ACOXL: variants seen among roughly 807,000 people sequenced by gnomAD.
ACOXL encodes the protein acyl-CoA oxidase like.
ACOXL carries 70 observed loss-of-function variants against 71.9 expected under a neutral mutation model. That is an observed-to-expected ratio of 0.97 (90% confidence interval 0.80 to 1.19). The LOEUF (loss-of-function observed/expected upper bound fraction) is 1.19. ACOXL is among the 50% of genes most tolerant of loss of function. ACOXL has a pLI of 0.00. For synonymous variants in ACOXL, 253 were observed against 281.6 expected, an observed-to-expected ratio of 0.90 and a Z score of 1.02; for missense variants, 703 against 736.3, an observed-to-expected ratio of 0.95 and a Z score of 0.52.
intron 10 of ACOXL, among the ~76,000 whole-genome samples, chr2:110,896,228 C>A (rs78262141): frequency 0.052 from 7,963 of 151,886 alleles, 296 homozygotes; most frequent in Middle Eastern, 0.12. Flanking sequence ...GGAAAAAAAC[C>A]TATACAAAGA....
chr2:111,050,539 T>C (rs1216317961), intron 16 of ACOXL, among the ~76,000 whole-genome samples: 1 of 152,230 alleles, frequency 6.6e-6, no homozygotes, highest in East Asian at 1.9e-4. Flanking sequence ...GATGCTCACC[T>C]CTTTTCTCTG....
At chr2:111,054,707 T>G (rs1244534198) in intron 16 of ACOXL, among the ~76,000 whole-genome samples, 1 of 152,184 alleles carries the variant, frequency 6.6e-6, no homozygotes, top group African/African-American at 2.4e-5. Context: ...CCTTTCTCTG[T>G]CTAATTACAT....
At chr2:110,908,686 G>A in intron 10 of ACOXL, 103 bp from the exon 11 acceptor site, 1 of 871,202 alleles carries the variant, frequency 1.1e-6, no homozygotes, top group Non-Finnish European at 1.9e-6. Flanking sequence ...GCATTCTGGA[G>A]TCTTTGGAAG....
chr2:110,857,420 G>A (rs1160996045), intron 10 of ACOXL, among the ~76,000 whole-genome samples: 1 of 152,194 alleles, frequency 6.6e-6, no homozygotes, highest in Non-Finnish European at 1.5e-5. Flanking sequence ...GACTGTGATT[G>A]GGTTAGTTAG....
intron 11 of ACOXL, among the ~76,000 whole-genome samples, chr2:110,930,325 C>G (rs2149329420): frequency 6.6e-6 from 1 of 152,254 alleles, no homozygotes; most frequent in Admixed American, 6.5e-5. Context: ...GCCTGTAGCC[C>G]CTTTGTTTTG....
At chr2:110,848,325 A>AG (rs1412616729) in intron 10 of ACOXL, among the ~76,000 whole-genome samples, 4 of 152,150 alleles carry the variant, frequency 2.6e-5, no homozygotes, top group Non-Finnish European at 4.4e-5. Flanking sequence ...CTTCACAGTG[A>AG]GGCTCCAACC....
At chr2:110,923,975 C>T (rs1286302234) in intron 11 of ACOXL, among the ~76,000 whole-genome samples, 1 of 151,624 alleles carries the variant, frequency 6.6e-6, no homozygotes, top group Non-Finnish European at 1.5e-5. Context: ...AATGTCAGTA[C>T]AGATATACCT....
At chr2:110,912,314 A>G (rs2059678524) in intron 11 of ACOXL, among the ~76,000 whole-genome samples, 1 of 152,128 alleles carries the variant, frequency 6.6e-6, no homozygotes, top group Admixed American at 6.5e-5. Context: ...AGCCACAACA[A>G]TCTTGAGAAA....
intron 12 of ACOXL, among the ~76,000 whole-genome samples, chr2:110,979,113 G>T (rs113922811): frequency 6.6e-6 from 1 of 152,130 alleles, no homozygotes; most frequent in African/African-American, 2.4e-5. Flanking sequence ...CCGGCCCTGC[G>T]CTAGGGAAGG....
intron 1 of ACOXL, among the ~76,000 whole-genome samples, chr2:110,747,157 C>G (rs1393466417): frequency 1.3e-5 from 2 of 152,122 alleles, no homozygotes; most frequent in South Asian, 2.1e-4. Flanking sequence ...TGAAACTGTG[C>G]TGGGTCTGCC....
At chr2:110,918,807 C>T (rs2059958765) in intron 11 of ACOXL, among the ~76,000 whole-genome samples, 1 of 152,168 alleles carries the variant, frequency 6.6e-6, no homozygotes, top group Non-Finnish European at 1.5e-5. Flanking sequence ...AAAAAAACTT[C>T]ATTATCACTG....
intron 10 of ACOXL, among the ~76,000 whole-genome samples, chr2:110,849,966 G>A (rs1026875954): frequency 2.0e-5 from 3 of 152,170 alleles, no homozygotes; most frequent in Admixed American, 6.5e-5. Flanking sequence ...CCACATGAAT[G>A]ATCAATGGAT....
At chr2:111,095,281 A>G (rs1377501296) in intron 17 of ACOXL, among the ~76,000 whole-genome samples, 1 of 151,688 alleles carries the variant, frequency 6.6e-6, no homozygotes, top group Non-Finnish European at 1.5e-5. Flanking sequence ...CAGGTATTTC[A>G]GTGACACAGA....
chr2:110,899,332 C>T (rs1261602466), intron 10 of ACOXL, among the ~76,000 whole-genome samples: 18 of 152,198 alleles, frequency 1.2e-4, no homozygotes, highest in Non-Finnish European at 1.3e-4. Context: ...ACCTCAGTGA[C>T]GGGAACCTGG....
chr2:110,809,674 G>A (rs981703466), intron 9 of ACOXL, among the ~76,000 whole-genome samples: 10 of 152,210 alleles, frequency 6.6e-5, no homozygotes, highest in African/African-American at 2.4e-4. Flanking sequence ...TGTTGATGGG[G>A]GTTTGAAATG....
chr2:110,995,526 A>G (rs995977465), intron 13 of ACOXL, among the ~76,000 whole-genome samples: 4 of 149,748 alleles, frequency 2.7e-5, no homozygotes, highest in African/African-American at 4.9e-5. Context: ...AAAGAATTGT[A>G]TAATGATTGA....
intron 12 of ACOXL, among the ~76,000 whole-genome samples, chr2:110,956,948 C>T (rs773856105): frequency 3.9e-5 from 6 of 152,108 alleles, no homozygotes; most frequent in African/African-American, 7.2e-5. Flanking sequence ...AGGCAGAGAG[C>T]GGAGGAGCTG....
chr2:111,060,678 A>G (rs965727231), intron 16 of ACOXL, among the ~76,000 whole-genome samples: 2 of 152,238 alleles, frequency 1.3e-5, no homozygotes, highest in African/African-American at 2.4e-5. Context: ...AGACACTAAT[A>G]TCAAGATGAC....
At chr2:110,876,017 C>G (rs1415347760) in intron 10 of ACOXL, among the ~76,000 whole-genome samples, 1 of 152,128 alleles carries the variant, frequency 6.6e-6, no homozygotes, top group African/African-American at 2.4e-5. Context: ...AAGTGGGGAG[C>G]CTGGATGCCT....
Sources: gnomAD v4.1 joint callset for allele counts (sites outside exome capture counted in the v4.1 genomes callset) on GRCh38, gnomAD v4.1.1 for gene constraint, MANE v1.5 for transcripts, NCBI Gene and HGNC (gene_info 2026-07-23, HGNC 2026-07-21) for gene names.